Variants in LDB2 observed in about 807,000 individuals in gnomAD.
LDB2 encodes the protein LIM domain-binding protein 2.
A neutral mutation model predicts 44.3 loss-of-function variants in LDB2; 12 were observed. The ratio of observed to expected loss-of-function variants is 0.27; its 90% confidence interval spans 0.17 to 0.44. The LOEUF is 0.44. Ranked by LOEUF, LDB2 falls within the 20% of genes least tolerant of loss-of-function variation. The pLI is 1.00. For synonymous variants in LDB2, 164 were observed against 174.8 expected, an observed-to-expected ratio of 0.94 and a Z score of 0.49; for missense variants, 344 against 473.5, an observed-to-expected ratio of 0.73 and a Z score of 2.54.
At chr4:16,632,000 C>A (rs1158696402) in intron 2 of LDB2, among the ~76,000 whole-genome samples, 2 of 152,174 alleles carry the variant, frequency 1.3e-5, no homozygotes, top group African/African-American at 4.8e-5. Flanking sequence ...CAAATTCTAC[C>A]AGAGGTACAA....
intron 1 of LDB2, among the ~76,000 whole-genome samples, chr4:16,875,616 C>G (rs557426986): frequency 2.0e-5 from 3 of 152,284 alleles, no homozygotes; most frequent in African/African-American, 7.2e-5. Context: ...GAGTCTCTAT[C>G]TAGAGTTATC....
chr4:16,866,314 T>C (rs992970939), intron 1 of LDB2, among the ~76,000 whole-genome samples: 1 of 152,230 alleles, frequency 6.6e-6, no homozygotes, highest in Non-Finnish European at 1.5e-5. Context: ...ATATCGAATT[T>C]AAATAATGGA....
At chr4:16,591,426 G>C (rs1718919365) in intron 3 of LDB2, among the ~76,000 whole-genome samples, 2 of 152,174 alleles carry the variant, frequency 1.3e-5, no homozygotes, top group South Asian at 2.1e-4. Flanking sequence ...GCTCCTCCTA[G>C]TTTCAGTCAA....
rs140550716 is a variant in LDB2 at position 16,516,356 on chromosome 4, G to A, written c.616-4252C>T. On this transcript the variant is annotated intron_variant, in intron 5 of 7. Transcript: ENST00000304523. ...ATTATATATTAGCAAGCATGCATAGGTTGCAATACAAACTACATTTCTATT... is the reference window on the plus strand; with the variant it reads ...ATTATATATTAGCAAGCATGCATAGATTGCAATACAAACTACATTTCTATT... Among the ~76,000 whole-genome samples the A allele has an allele frequency of 4.5e-4, 69 of 152,272 alleles. 1 individual carries two copies. Among genetic ancestry groups the A allele is most frequent in the African/African-American group, 1.6e-3 (68 of 41,552 alleles).
intron 5 of LDB2, among the ~76,000 whole-genome samples, chr4:16,572,335 T>G (rs969780700): frequency 1.3e-5 from 2 of 152,170 alleles, no homozygotes; most frequent in South Asian, 4.1e-4. Context: ...CGGCTTTCCC[T>G]TAGACTGACT....
rs16893632 is a variant in LDB2, at chr4:16,556,746, T to A, written c.615+29176A>T. Reference sequence around the variant, plus strand: ...TAAATAAATATAACAACAGAAAACATGGTTTTAACTACGTTTATTTAAATG... The same window carrying A: ...TAAATAAATATAACAACAGAAAACAAGGTTTTAACTACGTTTATTTAAATG... On this transcript the variant is annotated intron_variant, in intron 5 of 7. Transcript: ENST00000304523. Among the ~76,000 whole-genome samples, 3,421 of 152,250 alleles carry A rather than the reference T, an allele frequency of 0.022. 244 individuals carry two copies. In the East Asian group the frequency reaches 0.27, roughly 12 times the overall value.
chr4:16,729,282 T>C (rs1276409887), intron 2 of LDB2, among the ~76,000 whole-genome samples: 1 of 152,206 alleles, frequency 6.6e-6, no homozygotes, highest in East Asian at 1.9e-4. Context: ...AAAAAAGCCT[T>C]TATAAGCTCA....
chr4:16,598,654 G>A (rs1721715889), intron 2 of LDB2, among the ~76,000 whole-genome samples: 1 of 152,144 alleles, frequency 6.6e-6, no homozygotes, highest in Admixed American at 6.5e-5. Flanking sequence ...CCACAAGTTA[G>A]TCAAATAAGA....
At position 16,531,289 on chromosome 4, in the gene LDB2, G is replaced by A. The variant is rs1276471004; in HGVS notation, c.616-19185C>T. On this transcript the variant is annotated intron_variant, in intron 5 of 7. Transcript: ENST00000304523. ...AAGTCCTCTTTTCTCAGGCCACTTT[G>A]GGCTGTCCCAGTTCCTCTGGTACTT... Among the ~76,000 whole-genome samples, 6 of 152,192 alleles carry A rather than the reference G, an allele frequency of 3.9e-5. No individual in the cohort carries two copies. In the East Asian group the frequency reaches 1.2e-3, roughly 29 times the overall value.
chr4:16,698,739 G>C (rs968431317), intron 2 of LDB2, among the ~76,000 whole-genome samples: 2 of 151,804 alleles, frequency 1.3e-5, no homozygotes, highest in Non-Finnish European at 2.9e-5. Flanking sequence ...TATTTTATTT[G>C]CCATACAGAG....
At chr4:16,595,048 T>C (rs1484594014) in intron 3 of LDB2, among the ~76,000 whole-genome samples, 1 of 152,206 alleles carries the variant, frequency 6.6e-6, no homozygotes, top group Non-Finnish European at 1.5e-5. Flanking sequence ...ATCATAGATC[T>C]AAAATGTATA....
intron 2 of LDB2, among the ~76,000 whole-genome samples, chr4:16,669,341 G>A (rs1744140743): frequency 6.6e-6 from 1 of 152,108 alleles, no homozygotes; most frequent in Non-Finnish European, 1.5e-5. Flanking sequence ...TTTGGGCTAT[G>A]AGCTATCAGT....
intron 7 of LDB2, among the ~76,000 whole-genome samples, chr4:16,504,073 A>T (rs1718396794): frequency 6.6e-6 from 1 of 152,168 alleles, no homozygotes; most frequent in Non-Finnish European, 1.5e-5. Flanking sequence ...GCCTCCACTG[A>T]GGCCAGAGAA....
Position 16,557,451 on chromosome 4 carries a change from T to A in LDB2, c.615+28471A>T, listed in dbSNP as rs1037877156. On this transcript the variant is annotated intron_variant, in intron 5 of 7. Transcript: ENST00000304523. ...GGGTCCTACGCCCACGGAATCTCGC[T>A]GATTGCTAGCACAGCAGTCTGAGAT... 3.9e-5 allele frequency among the ~76,000 whole-genome samples: 6 copies of A among 152,188 alleles called. No individual in the cohort carries two copies. In the South Asian group the frequency reaches 1.2e-3, roughly 31 times the overall value.
chr4:16,742,083 T>C (rs896636044), intron 2 of LDB2, among the ~76,000 whole-genome samples: 1 of 148,628 alleles, frequency 6.7e-6, no homozygotes, highest in African/African-American at 2.5e-5. Context: ...TCTTTTTTTT[T>C]TTTTTTTTTG....
At chr4:16,642,785 G>C (rs1369156887) in intron 2 of LDB2, among the ~76,000 whole-genome samples, 1 of 152,182 alleles carries the variant, frequency 6.6e-6, no homozygotes, top group Non-Finnish European at 1.5e-5. Context: ...CTGCCTGCTT[G>C]ATAGATGACC....
intron 5 of LDB2, among the ~76,000 whole-genome samples, chr4:16,555,925 CCTT>C (rs906609994): frequency 6.6e-5 from 10 of 151,856 alleles, no homozygotes; most frequent in East Asian, 1.9e-4. Flanking sequence ...CAGCCATGGC[CCTT>C]CTTCTTCTTC....
chr4:16,531,395 ATG>A (rs1730105879), intron 5 of LDB2, among the ~76,000 whole-genome samples: 3 of 152,204 alleles, frequency 2.0e-5, no homozygotes, highest in African/African-American at 7.2e-5. Context: ...CTTCACAATC[ATG>A]TGTGAAGGTG....
intron 5 of LDB2, among the ~76,000 whole-genome samples, chr4:16,584,046 A>G (rs915992435): frequency 1.3e-5 from 2 of 152,220 alleles, no homozygotes; most frequent in African/African-American, 4.8e-5. Context: ...AAGTCAGGAA[A>G]TAAAGTAGCA....
Sources: gnomAD v4.1 joint callset for allele counts (sites outside exome capture counted in the v4.1 genomes callset) on GRCh38, gnomAD v4.1.1 for gene constraint, MANE v1.5 for transcripts, NCBI Gene and HGNC (gene_info 2026-07-23, HGNC 2026-07-21) for gene names.